TMEM272: variants seen among roughly 807,000 people sequenced by gnomAD.
TMEM272 encodes transmembrane protein 272.
Under a neutral mutation model 3.7 loss-of-function variants are expected in TMEM272, and 8 were observed. The observed-to-expected ratio is 2.17, with a 90% confidence interval of 1.27 to 3.91. The LOEUF (loss-of-function observed/expected upper bound fraction) is 3.91. Among genes scored for constraint, TMEM272 ranks in the 30% most tolerant of loss-of-function variants. The pLI, the probability that TMEM272 is intolerant of heterozygous loss-of-function variation, is 0.00. For synonymous variants in TMEM272, 63 were observed against 39.8 expected (o/e 1.58, Z -2.20); for missense variants, 166 against 91.5 (o/e 1.81, Z -3.32).
the TMEM272 span, among the ~76,000 whole-genome samples, chr13:51,891,498 A>T: frequency 1.3e-5 from 2 of 152,212 alleles, no homozygotes; most frequent in Non-Finnish European, 2.9e-5. Flanking sequence ...ATTGCCCTGA[A>T]GCAGAAATTT....
At chr13:51,865,312 C>A in the TMEM272 span, 188 of 1,364,110 alleles carry the variant, frequency 1.4e-4, no homozygotes, top group Non-Finnish European at 1.8e-4. Flanking sequence ...ATAGATCTGT[C>A]TTTTCTGCTG....
the TMEM272 span, among the ~76,000 whole-genome samples, chr13:51,874,846 T>C: frequency 6.6e-6 from 1 of 152,346 alleles, no homozygotes; most frequent in Non-Finnish European, 1.5e-5. Context: ...TGTCTGTGCC[T>C]GCCTCCCTCC....
the TMEM272 span, among the ~76,000 whole-genome samples, chr13:51,877,828 A>G: frequency 6.6e-6 from 1 of 152,222 alleles, no homozygotes; most frequent in African/African-American, 2.4e-5. Flanking sequence ...AAATTTTAAG[A>G]AACTTAAAAT....
the TMEM272 span, among the ~76,000 whole-genome samples, chr13:51,895,578 T>C: frequency 6.6e-6 from 1 of 152,190 alleles, no homozygotes; most frequent in South Asian, 2.1e-4. Flanking sequence ...CATCTACCTG[T>C]GGGACAGGGC....
At chr13:51,853,261 T>C in the TMEM272 span, among the ~76,000 whole-genome samples, 1 of 152,058 alleles carries the variant, frequency 6.6e-6, no homozygotes, top group South Asian at 2.1e-4. Context: ...AATACAAAAG[T>C]TAGCTGGGCT....
At chr13:51,911,790 T>C in the TMEM272 span, among the ~76,000 whole-genome samples, 4,378 of 152,172 alleles carry the variant, frequency 0.029, 217 homozygotes, top group African/African-American at 0.1. Flanking sequence ...ACAGCCTCCA[T>C]TGGCTTCTAA....
chr13:51,892,368 C>T, the TMEM272 span, among the ~76,000 whole-genome samples: 3 of 152,326 alleles, frequency 2.0e-5, no homozygotes, highest in Admixed American at 2.0e-4. Flanking sequence ...ATCTGCTGTG[C>T]CCCAAAGCAT....
chr13:51,915,617 C>T, the TMEM272 span, among the ~76,000 whole-genome samples: 2 of 152,192 alleles, frequency 1.3e-5, no homozygotes, highest in Admixed American at 1.3e-4. Context: ...TCACCATGCC[C>T]CTGGGTGAGT....
chr13:51,914,618 G>A, the TMEM272 span, among the ~76,000 whole-genome samples: 1 of 152,216 alleles, frequency 6.6e-6, no homozygotes, highest in Non-Finnish European at 1.5e-5. Flanking sequence ...GCTACTCTGG[G>A]CAACTCCCAC....
At chr13:51,828,055 G>A (rs565542287) in intron 2 of TMEM272, among the ~76,000 whole-genome samples, 64 of 152,270 alleles carry the variant, frequency 4.2e-4, no homozygotes, top group African/African-American at 1.4e-3. Flanking sequence ...TGAGAACAAC[G>A]CCCTGAGAGG....
the TMEM272 span, among the ~76,000 whole-genome samples, chr13:51,871,106 A>G: frequency 6.6e-6 from 1 of 151,728 alleles, no homozygotes; most frequent in South Asian, 2.1e-4. Flanking sequence ...CCCCTCTGGT[A>G]TGCATACCCT....
the TMEM272 span, among the ~76,000 whole-genome samples, chr13:51,906,378 GC>G: frequency 1.2e-4 from 19 of 152,092 alleles, no homozygotes; most frequent in Non-Finnish European, 4.4e-5. Context: ...CCAATTTTGA[GC>G]CCCCAGCAAG....
intron 2 of TMEM272, among the ~76,000 whole-genome samples, chr13:51,829,422 T>C (rs561392818): frequency 3.9e-5 from 6 of 152,260 alleles, no homozygotes; most frequent in African/African-American, 1.4e-4. Flanking sequence ...TTTGTTTTGC[T>C]CCGGGGCCCT....
chr13:51,894,989 G>T, the TMEM272 span, among the ~76,000 whole-genome samples: 2 of 152,062 alleles, frequency 1.3e-5, no homozygotes, highest in African/African-American at 4.8e-5. Context: ...TCACTGGCAT[G>T]CACAGTTCAC....
chr13:51,879,946 G>A, the TMEM272 span, among the ~76,000 whole-genome samples: 2 of 152,264 alleles, frequency 1.3e-5, no homozygotes, highest in South Asian at 4.2e-4. Flanking sequence ...GAGTCATTAT[G>A]GATGCCTCAA....
the TMEM272 span, among the ~76,000 whole-genome samples, chr13:51,874,760 T>A: frequency 6.6e-6 from 1 of 152,240 alleles, no homozygotes; most frequent in Non-Finnish European, 1.5e-5. Context: ...CTTCAACACT[T>A]GTTTTCCTAT....
the TMEM272 span, among the ~76,000 whole-genome samples, chr13:51,913,556 T>C: frequency 6.6e-6 from 1 of 152,112 alleles, no homozygotes; most frequent in Admixed American, 6.5e-5. Flanking sequence ...AGGGGCAGCT[T>C]AAAATAACCC....
the TMEM272 span, among the ~76,000 whole-genome samples, chr13:51,852,476 A>C: frequency 6.6e-6 from 1 of 152,210 alleles, no homozygotes; most frequent in Non-Finnish European, 1.5e-5. Flanking sequence ...GGCTAGAAAC[A>C]GTTCTCTTCT....
At chr13:51,895,915 T>TA in the TMEM272 span, among the ~76,000 whole-genome samples, 2 of 152,214 alleles carry the variant, frequency 1.3e-5, no homozygotes, top group Non-Finnish European at 2.9e-5. Flanking sequence ...TTTCCCTTTT[T>TA]AAATTTTTAC....
Sources: gnomAD v4.1 joint callset for allele counts (sites outside exome capture counted in the v4.1 genomes callset) on GRCh38, gnomAD v4.1.1 for gene constraint, MANE v1.5 for transcripts, NCBI Gene and HGNC (gene_info 2026-07-23, HGNC 2026-07-21) for gene names.